Variants in FBLN2 observed in about 807,000 individuals in gnomAD.
FBLN2 encodes fibulin-2.
A neutral mutation model predicts 123.7 loss-of-function variants in FBLN2; 81 were observed. The ratio of observed to expected loss-of-function variants is 0.65; its 90% CI spans 0.55 to 0.79. FBLN2 has a LOEUF of 0.79. Ranked by LOEUF, FBLN2 falls within the 30% of genes least tolerant of loss-of-function variation. FBLN2 has a pLI of 0.00. For synonymous variants in FBLN2, 699 were observed against 701.4 expected (o/e 1.00, Z 0.05); for missense variants, 1,603 against 1,681.3 (o/e 0.95, Z 0.81).
chr3:13,587,214 G>T (rs904219994), intron 2 of FBLN2, among the ~76,000 whole-genome samples: 4 of 149,744 alleles, frequency 2.7e-5, no homozygotes, highest in African/African-American at 9.8e-5. Context: ...AGGATATAAA[G>T]AAATATTTTT....
At chr3:13,552,560 A>G (rs1703353214) in intron 1 of FBLN2, among the ~76,000 whole-genome samples, 1 of 152,162 alleles carries the variant, frequency 6.6e-6, no homozygotes, top group South Asian at 2.1e-4. Context: ...CTGGGGCTGC[A>G]GAGGTCTACC....
intron 16 of FBLN2, among the ~76,000 whole-genome samples, chr3:13,631,896 G>T (rs887833158): frequency 3.3e-5 from 5 of 152,176 alleles, no homozygotes; most frequent in Non-Finnish European, 7.3e-5. Flanking sequence ...GTAGAGAAGG[G>T]TGTCATGGGG....
At chr3:13,551,937 T>C (rs145930816) in intron 1 of FBLN2, among the ~76,000 whole-genome samples, 213 of 150,898 alleles carry the variant, frequency 1.4e-3, no homozygotes, top group African/African-American at 4.8e-3. Flanking sequence ...CTCAAACTCC[T>C]GGGCTCAAGT....
At chr3:13,585,047 A>G (rs933646603) in intron 2 of FBLN2, among the ~76,000 whole-genome samples, 2 of 152,116 alleles carry the variant, frequency 1.3e-5, no homozygotes, top group African/African-American at 4.8e-5. Flanking sequence ...GTGATGGAGG[A>G]CGACCTCACA....
At chr3:13,609,719 G>T in intron 4 of FBLN2, 77 bp downstream of exon 4, 1 of 1,517,362 alleles carries the variant, frequency 6.6e-7, no homozygotes, top group Non-Finnish European at 8.9e-7. Flanking sequence ...GAAGGTCCTC[G>T]TGGCCCAAGA....
intron 15 of FBLN2, 148 bp downstream of exon 15, chr3:13,630,963 T>C: frequency 1.5e-6 from 1 of 669,310 alleles, no homozygotes; most frequent in Non-Finnish European, 2.6e-6. Context: ...GTTTCCTGGC[T>C]GTGTGACCTT....
intron 2 of FBLN2, among the ~76,000 whole-genome samples, chr3:13,607,814 G>C (rs888059822): frequency 2.6e-5 from 4 of 152,116 alleles, no homozygotes; most frequent in Non-Finnish European, 4.4e-5. Context: ...TTTGAGAGTG[G>C]GGGCTGAGCT....
chr3:13,562,310 G>A (rs939543532), intron 1 of FBLN2, among the ~76,000 whole-genome samples: 1 of 150,022 alleles, frequency 6.7e-6, no homozygotes. Flanking sequence ...GCACATTTGT[G>A]ATTATTGTCC....
intron 2 of FBLN2, among the ~76,000 whole-genome samples, chr3:13,602,925 T>TC (rs1224671715): frequency 1.4e-4 from 21 of 151,446 alleles, no homozygotes; most frequent in African/African-American, 4.4e-4. Flanking sequence ...TTTTTTTTTT[T>TC]CCCCAAGACG....
chr3:13,620,823 C>T (rs912081374), intron 8 of FBLN2, among the ~76,000 whole-genome samples: 1 of 152,228 alleles, frequency 6.6e-6, no homozygotes, highest in Non-Finnish European at 1.5e-5. Context: ...CCGTGTCCAT[C>T]CCCAGCCGAG....
chr3:13,554,658 C>G (rs1370011442), intron 1 of FBLN2, among the ~76,000 whole-genome samples: 2 of 151,084 alleles, frequency 1.3e-5, no homozygotes, highest in Non-Finnish European at 2.9e-5. Flanking sequence ...CTCTGCTCCC[C>G]TGCATGGCTG....
chr3:13,565,462 G>A (rs556527599), intron 1 of FBLN2, among the ~76,000 whole-genome samples: 19 of 152,338 alleles, frequency 1.2e-4, no homozygotes, highest in Admixed American at 2.6e-4. Flanking sequence ...AGAATGGGCC[G>A]CCAAATACAG....
At chr3:13,626,411 T>G in intron 9 of FBLN2, 34 bp from the exon 10 acceptor site, 1 of 1,539,092 alleles carries the variant, frequency 6.5e-7, no homozygotes. Context: ...TCCTGGGGAC[T>G]CTGCAGCCTC....
chr3:13,633,493 T>G (rs888378674), intron 16 of FBLN2, among the ~76,000 whole-genome samples: 1 of 152,246 alleles, frequency 6.6e-6, no homozygotes, highest in Non-Finnish European at 1.5e-5. Flanking sequence ...AAGGGCACAG[T>G]GGGGGCTGCC....
chr3:13,618,297 G>A lies in FBLN2; in HGVS notation c.1939+12G>A, dbSNP rs1390051703. The A allele has an allele frequency of 6.2e-7, 1 of 1,613,396 alleles. No homozygotes were observed. Among genetic ancestry groups the A allele is most frequent in the Admixed American group, 1.7e-5 (1 of 60,026 alleles). The stretch of plus-strand genomic sequence containing the variant: ...CACTTGCCGCCCAGGTAAGGGCCCT[G>A]ATGGCCAGGGCAGGGGCTATGGGAA... On this transcript the variant is annotated intron_variant, in intron 6 of 17. Coordinates refer to ENST00000404922, the MANE Select transcript of FBLN2 (RefSeq NM_001004019.2).
chr3:13,608,169 T>A lies in FBLN2; in HGVS notation c.1414T>A (p.Cys472Ser), dbSNP rs1705269976. 4.4e-6 allele frequency: 7 copies of A among 1,580,960 alleles called. No individual in the cohort carries two copies. Among genetic ancestry groups the A allele is most frequent in the Non-Finnish European group, 5.2e-6 (6 of 1,163,304 alleles). Reference protein sequence around the residue: ...IPESGTEDNVCRTAQRHCCVS... With the variant: ...IPESGTEDNVSRTAQRHCCVS... ...TGAGAGTGGCACTGAGGACAACGTC[T>A]GCAGGTAGGGTGGGCTCCCTGGAGC... The change falls in exon 3 of 18, where the codon TGC becomes AGC. Residue 472 changes from cysteine to serine, a missense_variant. Transcript: ENST00000404922.
Position 13,614,189 on chromosome 3 carries a change from C to T in FBLN2, c.1729+25C>T, listed in dbSNP as rs200280314. On this transcript the variant is annotated intron_variant, in intron 5 of 17. Transcript: ENST00000404922. Reference sequence around the variant, plus strand: ...GGTGAGTGCTGCTCTTCCCTGGCTGCGGCATATAGGGCGAAGGCTGGTTGA... The same window carrying T: ...GGTGAGTGCTGCTCTTCCCTGGCTGTGGCATATAGGGCGAAGGCTGGTTGA... 195 of 1,602,696 alleles carry T rather than the reference C, an allele frequency of 1.2e-4. No homozygotes were observed. In the African/African-American group the frequency reaches 2.0e-3, roughly 16 times the overall value.
chr3:13,579,190 A>G (rs976823944), intron 2 of FBLN2, among the ~76,000 whole-genome samples: 4 of 152,190 alleles, frequency 2.6e-5, no homozygotes, highest in African/African-American at 7.2e-5. Context: ...ATGAAATAGC[A>G]TCTCATCGTG....
Position 13,570,673 on chromosome 3 carries a change from G to T in FBLN2, c.318G>T (p.Lys106Asn). The T allele has an allele frequency of 6.3e-7, 1 of 1,586,228 alleles. No homozygotes were observed. Among genetic ancestry groups the T allele is most frequent in the South Asian group, 1.1e-5 (1 of 87,832 alleles). ...GCTCCTGCCCACCAGGCGGCGGCAA[G>T]ATCAGCTGCCAGTTCATGCTGTGCC... ...TECSCPPGGG[K>N]ISCQFMLCPE... is the part of the protein sequence containing the mutation. Residue 106 changes from lysine (K) to asparagine (N), a missense_variant, in exon 2 of 18, where the codon AAG (lysine) becomes AAT (asparagine). Lys to Asn is a moderately conservative substitution (Grantham distance 94). Transcript: ENST00000404922.
Sources: gnomAD v4.1 joint callset for allele counts (sites outside exome capture counted in the v4.1 genomes callset) on GRCh38, gnomAD v4.1.1 for gene constraint, MANE v1.5 for transcripts, NCBI Gene and HGNC (gene_info 2026-07-23, HGNC 2026-07-21) for gene names.